The following LGR5 variants were observed in gnomAD, a reference collection of about 807,000 sequenced individuals.
LGR5 encodes the protein leucine rich repeat containing G protein-coupled receptor 5, also known as leucine-rich repeat-containing G protein-coupled receptor 5.
A neutral mutation model predicts 76.7 loss-of-function variants in LGR5; 54 were observed. The ratio of observed to expected loss-of-function variants is 0.70; its 90% confidence interval spans 0.57 to 0.88. LGR5 has a LOEUF of 0.88. Ranked by LOEUF, LGR5 falls within the 40% of genes least tolerant of loss-of-function variation. The pLI, the probability that LGR5 is intolerant of heterozygous loss-of-function variation, is 0.00. For missense variants in LGR5, 1,078 were observed against 1,073.3 expected (o/e 1.00, Z -0.06); for synonymous variants, 406 against 421.9 (o/e 0.96, Z 0.46).
intron 17 of LGR5, 181 bp downstream of exon 17, chr12:71,582,720 C>A: frequency 5.5e-6 from 3 of 549,042 alleles, no homozygotes; most frequent in South Asian, 4.8e-5. Context: ...TTTTCACTTG[C>A]CAATAGGATT....
intron 3 of LGR5, among the ~76,000 whole-genome samples, chr12:71,525,910 T>A (rs1278523497): frequency 6.6e-6 from 1 of 151,492 alleles, no homozygotes; most frequent in East Asian, 1.9e-4. Flanking sequence ...TCTATCATAT[T>A]TTTATATTTT....
intron 2 of LGR5, among the ~76,000 whole-genome samples, chr12:71,513,181 T>C (rs1875251647): frequency 6.6e-6 from 1 of 151,520 alleles, no homozygotes; most frequent in South Asian, 2.1e-4. Context: ...AAAGAAAAGG[T>C]GTGAGGACAG....
At chr12:71,475,614 C>T (rs1434740370) in intron 1 of LGR5, among the ~76,000 whole-genome samples, 1 of 152,188 alleles carries the variant, frequency 6.6e-6, no homozygotes, top group African/African-American at 2.4e-5. Context: ...ATGCTGTTCT[C>T]CTACCAGAAA....
intron 3 of LGR5, among the ~76,000 whole-genome samples, chr12:71,534,061 A>G (rs147277511): frequency 1.3e-5 from 2 of 152,352 alleles, no homozygotes; most frequent in East Asian, 3.9e-4. Context: ...TTGTTTCTGA[A>G]ACACAAATAC....
In LGR5 at chr12:71,565,187, G is replaced by C. The variant is rs141395542; in HGVS notation, c.858-1217G>C. ...GACAGAAGAGGATTTAGGTTTGTTG[G>C]GTAGCAACTGTATCCCAGGTTCTAT... On this transcript the variant is annotated intron_variant, in intron 8 of 17. Coordinates refer to ENST00000266674, the MANE Select transcript of LGR5 (RefSeq NM_003667.4). 4.2e-3 allele frequency among the ~76,000 whole-genome samples: 643 copies of C among 151,796 alleles called. 6 individuals are homozygous for C. Among genetic ancestry groups the C allele is most frequent in the African/African-American group, 0.015 (616 of 41,378 alleles).
intron 1 of LGR5, among the ~76,000 whole-genome samples, chr12:71,456,280 G>C (rs1351104674): frequency 1.3e-5 from 2 of 152,060 alleles, no homozygotes; most frequent in Non-Finnish European, 2.9e-5. Flanking sequence ...TTGATCAAAG[G>C]GTCTTAAGTA....
At chr12:71,490,759 C>T (rs58733312) in intron 1 of LGR5, among the ~76,000 whole-genome samples, 3,476 of 152,112 alleles carry the variant, frequency 0.023, 138 homozygotes, top group African/African-American at 0.079. Flanking sequence ...CAAGGCCTAA[C>T]CATCATGTTT....
chr12:71,568,473 C>T (rs1878453601), intron 11 of LGR5, among the ~76,000 whole-genome samples: 1 of 152,206 alleles, frequency 6.6e-6, no homozygotes, highest in African/African-American at 2.4e-5. Flanking sequence ...TAACTTTTAT[C>T]ATCTTTCTCA....
intron 1 of LGR5, among the ~76,000 whole-genome samples, chr12:71,456,788 G>A (rs1019962451): frequency 2.0e-5 from 3 of 152,078 alleles, no homozygotes; most frequent in Non-Finnish European, 4.4e-5. Flanking sequence ...TGGGGAATTC[G>A]GCAACAAGGA....
intron 1 of LGR5, among the ~76,000 whole-genome samples, chr12:71,503,281 C>A (rs1315493267): frequency 1.3e-5 from 2 of 152,026 alleles, no homozygotes; most frequent in Non-Finnish European, 2.9e-5. Context: ...CAGAAAAATC[C>A]AGATTTTTGG....
chr12:71,554,427 A>T (rs1212189629), intron 5 of LGR5, among the ~76,000 whole-genome samples: 5 of 152,218 alleles, frequency 3.3e-5, no homozygotes, highest in Non-Finnish European at 7.3e-5. Flanking sequence ...GATGTTATCT[A>T]TAGGAGCAAC....
At chr12:71,500,622 A>C (rs1340480150) in intron 1 of LGR5, among the ~76,000 whole-genome samples, 1 of 151,720 alleles carries the variant, frequency 6.6e-6, no homozygotes, top group Middle Eastern at 3.2e-3. Flanking sequence ...TTATTTATTT[A>C]TTTTTATTTT....
In LGR5 at chr12:71,473,140, T is replaced by C. The variant is rs1873171735; in HGVS notation, c.213-31474T>C. Reference sequence around the variant, plus strand: ...CTCCACCCTCAAAGAGATTACAATCTAGTCTGAAAGATTTTAACGGTGGCC... The same window carrying C: ...CTCCACCCTCAAAGAGATTACAATCCAGTCTGAAAGATTTTAACGGTGGCC... On this transcript the variant is annotated intron_variant, in intron 1 of 17. Coordinates refer to ENST00000266674, the MANE Select transcript of LGR5 (RefSeq NM_003667.4). Among the ~76,000 whole-genome samples the C allele has an allele frequency of 1.3e-5, 2 of 152,194 alleles. 1 individual carries two copies. The highest frequency in any genetic ancestry group is 4.1e-4 in the South Asian group (2 of 4,828).
chr12:71,477,530 T>G (rs1483995594), intron 1 of LGR5, among the ~76,000 whole-genome samples: 2 of 150,786 alleles, frequency 1.3e-5, no homozygotes, highest in African/African-American at 4.9e-5. Flanking sequence ...ATTGTACATA[T>G]ATATCATTTT....
At chr12:71,540,894 A>C (rs1876843362) in intron 4 of LGR5, among the ~76,000 whole-genome samples, 1 of 152,238 alleles carries the variant, frequency 6.6e-6, no homozygotes, top group Admixed American at 6.5e-5. Context: ...AGTATTGGTG[A>C]TATTCCTTCC....
chr12:71,467,521 A>G (rs766082050), intron 1 of LGR5, among the ~76,000 whole-genome samples: 7 of 152,236 alleles, frequency 4.6e-5, no homozygotes, highest in East Asian at 1.9e-4. Context: ...GATTATCACT[A>G]TCTTTCTTGG....
At chr12:71,498,915 C>T (rs987037257) in intron 1 of LGR5, among the ~76,000 whole-genome samples, 1 of 152,136 alleles carries the variant, frequency 6.6e-6, no homozygotes, top group Non-Finnish European at 1.5e-5. Flanking sequence ...TGAAGAGGTT[C>T]AAGGCAAGTG....
chr12:71,572,942 C>T (rs767090800), intron 13 of LGR5, 21 bp downstream of exon 13: 8 of 1,575,232 alleles, frequency 5.1e-6, no homozygotes, highest in African/African-American at 1.3e-5. Flanking sequence ...CCTCCCAGTG[C>T]GTTCCCCAGC....
intron 1 of LGR5, among the ~76,000 whole-genome samples, chr12:71,503,997 A>C (rs2137302870): frequency 6.6e-6 from 1 of 152,346 alleles, no homozygotes; most frequent in East Asian, 1.9e-4. Flanking sequence ...ACTACTGTGC[A>C]GGCCCAGCAG....
Sources: allele counts gnomAD v4.1 joint callset (sites outside exome capture counted in the v4.1 genomes callset), GRCh38; gene constraint gnomAD v4.1.1; transcripts MANE v1.5; gene names NCBI Gene and HGNC (gene_info 2026-07-23, HGNC 2026-07-21).